SYT9: variants seen among roughly 807,000 people sequenced by gnomAD.
SYT9 encodes the protein synaptotagmin 9.
SYT9 carries 22 observed loss-of-function variants against 48.4 expected under a neutral mutation model. That is an observed-to-expected ratio of 0.45 (90% CI 0.32 to 0.65). SYT9 has a LOEUF of 0.65. Among genes scored for constraint, SYT9 ranks in the 30% least tolerant of loss-of-function variants. SYT9 has a pLI of 0.03. For missense variants in SYT9, 577 were observed against 622.0 expected, an observed-to-expected ratio of 0.93 and a Z score of 0.77; for synonymous variants, 265 against 245.0, an observed-to-expected ratio of 1.08 and a Z score of -0.76.
intron 1 of SYT9, among the ~76,000 whole-genome samples, chr11:7,257,325 T>C (rs1847991353): frequency 1.3e-5 from 2 of 152,154 alleles, no homozygotes; most frequent in South Asian, 4.1e-4. Flanking sequence ...CATTTTTCTT[T>C]TAAGGGCTCA....
In SYT9 at chr11:7,252,542, C is replaced by T. The variant is rs1379607188; in HGVS notation, c.145+211C>T. Among the ~76,000 whole-genome samples the T allele has an allele frequency of 6.6e-6, 1 of 152,148 alleles. No homozygotes were observed. The highest frequency in any genetic ancestry group is 1.5e-5 in the Non-Finnish European group (1 of 68,016). ...GGTGGCTACTGCACGGAGGCCGACT[C>T]CGGGTCGGCTAGGGCAGGGTTGGAG... On this transcript the variant is annotated intron_variant, in intron 1 of 6. Transcript: ENST00000318881. This position sits in a 1 kb window ranked among gnomAD's most constrained non-coding sequence, Gnocchi z 6.3.
In SYT9 at chr11:7,335,747, G is replaced by A. The variant is rs376577785; in HGVS notation, c.1044+21806G>A. Among the ~76,000 whole-genome samples the A allele has an allele frequency of 6.0e-4, 91 of 152,034 alleles. 1 individual carries two copies. The highest frequency in any genetic ancestry group is 1.9e-3 in the African/African-American group (80 of 41,460). On this transcript the variant is annotated intron_variant, in intron 3 of 6. Transcript: ENST00000318881. ...CCACATTTTCTTTATCCAATCTGCC[G>A]TTGATGGGCATTTAGGTTGATTCCA... is the stretch of plus-strand genomic sequence containing the variant.
chr11:7,411,811 TTC>T (rs1463911841), intron 3 of SYT9, among the ~76,000 whole-genome samples: 2 of 152,232 alleles, frequency 1.3e-5, no homozygotes, highest in African/African-American at 4.8e-5. Context: ...AATCCTTTCA[TTC>T]TCTCTTTGCC....
intron 6 of SYT9, among the ~76,000 whole-genome samples, chr11:7,428,746 A>G (rs1351625662): frequency 2.6e-5 from 4 of 152,150 alleles, no homozygotes; most frequent in African/African-American, 7.2e-5. Context: ...AGTGTGGTTT[A>G]AGGTGGGTCT....
At chr11:7,306,057 T>G (rs1179605338) in intron 2 of SYT9, among the ~76,000 whole-genome samples, 1 of 152,224 alleles carries the variant, frequency 6.6e-6, no homozygotes, top group African/African-American at 2.4e-5. Flanking sequence ...GTGTCTAGTT[T>G]CTTCAGTGAC....
chr11:7,372,605 G>A (rs184949520), intron 3 of SYT9, among the ~76,000 whole-genome samples: 31 of 152,250 alleles, frequency 2.0e-4, no homozygotes, highest in Non-Finnish European at 3.7e-4. Context: ...TTGGCTTCAA[G>A]CACTCCTTTT....
chr11:7,337,790 A>G (rs763564754), intron 3 of SYT9, among the ~76,000 whole-genome samples: 1 of 152,130 alleles, frequency 6.6e-6, no homozygotes, highest in Non-Finnish European at 1.5e-5. Context: ...GGATTTTTGC[A>G]TCAGTGTTCA....
In SYT9 at chr11:7,418,017, C is replaced by T. The variant is rs760489763; in HGVS notation, c.1226C>T (p.Ser409Phe). Residue 409 changes from serine to phenylalanine, a missense_variant, in exon 5 of 7, where the codon TCC becomes TTC. By Grantham distance (155) the Ser-to-Phe change is radical (BLOSUM62 -2). Coordinates refer to ENST00000318881, the MANE Select transcript of SYT9 (RefSeq NM_175733.4). ...AGACGACTGAAGAAGAGGAAAACAT[C>T]CACCAAGAGGAACACCTTGAATCCT... Reference protein sequence around the residue: ...DGRRLKKRKTSTKRNTLNPVY... With the variant: ...DGRRLKKRKTFTKRNTLNPVY... The T allele has an allele frequency of 2.5e-6, 4 of 1,614,178 alleles. No individual in the cohort carries two copies. In the South Asian group the frequency reaches 4.4e-5, roughly 18 times the overall value.
intron 1 of SYT9, among the ~76,000 whole-genome samples, chr11:7,255,099 G>A (rs1589888771): frequency 6.6e-6 from 1 of 152,246 alleles, no homozygotes. Context: ...AGTGCTGAGT[G>A]TGAGCACTTT....
At chr11:7,359,733 T>C (rs999979707) in intron 3 of SYT9, among the ~76,000 whole-genome samples, 1 of 129,278 alleles carries the variant, frequency 7.7e-6, no homozygotes, top group African/African-American at 2.7e-5. Flanking sequence ...TTGAGTTCAT[T>C]GTAGATTCTG....
intron 1 of SYT9, among the ~76,000 whole-genome samples, chr11:7,277,373 T>C (rs1848417100): frequency 6.6e-6 from 1 of 152,244 alleles, no homozygotes; most frequent in South Asian, 2.1e-4. Context: ...ATGTGCTGTG[T>C]GTTACTGAAC....
chr11:7,448,858 A>C (rs1847987234), intron 6 of SYT9, among the ~76,000 whole-genome samples: 1 of 152,092 alleles, frequency 6.6e-6, no homozygotes, highest in African/African-American at 2.4e-5. Flanking sequence ...ATCACTAAGG[A>C]TGAGAAGGCT....
intron 6 of SYT9, among the ~76,000 whole-genome samples, chr11:7,466,582 G>A (rs767957409): frequency 2.6e-5 from 4 of 152,040 alleles, no homozygotes; most frequent in South Asian, 4.1e-4. Flanking sequence ...TTAGCCAGGT[G>A]TGGCGGCGGG....
upstream of SYT9, among the ~76,000 whole-genome samples, chr11:7,248,852 C>CA: frequency 6.6e-6 from 1 of 152,022 alleles, no homozygotes; most frequent in Non-Finnish European, 1.5e-5. Flanking sequence ...CATATGGAAC[C>CA]AAAAAAGAGC....
At chr11:7,432,575 AAAAAAAAATATATATACATATAT>A (rs1847613357) in intron 6 of SYT9, among the ~76,000 whole-genome samples, 9 of 11,206 alleles carry the variant, frequency 8.0e-4, no homozygotes, top group African/African-American at 2.2e-3. Context: ...AAAAAAAAAA[AAAAAAAAATATATATACATATAT>A]ATATATATAT....
intron 6 of SYT9, among the ~76,000 whole-genome samples, chr11:7,453,018 A>G (rs12275739): frequency 0.17 from 26,026 of 151,760 alleles, 2,703 homozygotes; most frequent in African/African-American, 0.28. Flanking sequence ...CCGACCTGAG[A>G]TGATCCCCCT....
chr11:7,326,547 A>G (rs1026703924), intron 3 of SYT9, among the ~76,000 whole-genome samples: 1 of 151,188 alleles, frequency 6.6e-6, no homozygotes, highest in African/African-American at 2.4e-5. Flanking sequence ...AATTTTGTTG[A>G]TCCTTTGAAT....
intron 1 of SYT9, among the ~76,000 whole-genome samples, chr11:7,246,535 G>A (rs1847794943): frequency 6.6e-6 from 1 of 152,142 alleles, no homozygotes; most frequent in Non-Finnish European, 1.5e-5. Flanking sequence ...CCTGTGTTCA[G>A]CTGGTTCCAC....
chr11:7,319,041 G>C (rs761006183), intron 3 of SYT9, among the ~76,000 whole-genome samples: 1 of 152,096 alleles, frequency 6.6e-6, no homozygotes, highest in Non-Finnish European at 1.5e-5. Flanking sequence ...GTCCCTGAAG[G>C]CTTTGGGGTT....
Sources: gnomAD v4.1 joint callset for allele counts (sites outside exome capture counted in the v4.1 genomes callset) on GRCh38, gnomAD v4.1.1 for gene constraint, Gnocchi (gnomAD v3.1) non-coding constraint, MANE v1.5 for transcripts, NCBI Gene and HGNC (gene_info 2026-07-23, HGNC 2026-07-21) for gene names.